Variants in MDGA2 observed in about 807,000 individuals in gnomAD.
MDGA2 encodes MAM domain-containing glycosylphosphatidylinositol anchor protein 2.
In MDGA2, 40 loss-of-function variants were observed where a neutral mutation model predicts 117.8. The ratio of observed to expected loss-of-function variants is 0.34; its 90% CI spans 0.26 to 0.44. The LOEUF (loss-of-function observed/expected upper bound fraction) is 0.44, where lower values mean the gene tolerates loss of function less well. MDGA2 is among the 20% of genes least tolerant of loss of function. The pLI, the probability that MDGA2 is intolerant of heterozygous loss-of-function variation, is 1.00. For synonymous variants in MDGA2, 452 were observed against 439.0 expected (o/e 1.03, Z -0.37); for missense variants, 1,123 against 1,250.6 (o/e 0.90, Z 1.54).
At chr14:47,127,272 T>C (rs1881952996) in intron 5 of MDGA2, among the ~76,000 whole-genome samples, 1 of 152,130 alleles carries the variant, frequency 6.6e-6, no homozygotes. Flanking sequence ...CAATGGTAAC[T>C]TATGTTCCTC....
chr14:47,472,368 A>G (rs1893745926), intron 1 of MDGA2, among the ~76,000 whole-genome samples: 1 of 152,322 alleles, frequency 6.6e-6, no homozygotes, highest in South Asian at 2.1e-4. Context: ...GGCATAGCCT[A>G]TCACGTCTAG....
chr14:47,178,734 T>G (rs990855866), intron 3 of MDGA2, among the ~76,000 whole-genome samples: 1 of 152,138 alleles, frequency 6.6e-6, no homozygotes, highest in Admixed American at 6.6e-5. Context: ...AATTATGTTA[T>G]AGAAATGTGA....
chr14:47,523,883 G>A lies in MDGA2; in HGVS notation c.280+150634C>T, dbSNP rs1054935680. Among the ~76,000 whole-genome samples the A allele has an allele frequency of 2.6e-5, 4 of 152,174 alleles. No individual in the cohort carries two copies. The East Asian group carries it at 7.7e-4, about 29-fold the overall frequency. ...CCTTCAGCAGCTTGCAAGTTGAAAG[G>A]TGTATCAAATGGGAACACAGCGTCA... is the stretch of plus-strand genomic sequence containing the variant. On this transcript the variant is annotated intron_variant, in intron 1 of 16. Coordinates refer to ENST00000399232, the MANE Select transcript of MDGA2 (RefSeq NM_001113498.3).
At chr14:47,565,018 AT>A (rs1282425534) in intron 1 of MDGA2, among the ~76,000 whole-genome samples, 1 of 150,740 alleles carries the variant, frequency 6.6e-6, no homozygotes, top group East Asian at 2.0e-4. Flanking sequence ...GTATAGTTTT[AT>A]TGTATTCTGT....
intron 3 of MDGA2, among the ~76,000 whole-genome samples, chr14:47,166,029 T>A (rs1334926002): frequency 1.4e-5 from 2 of 143,510 alleles, no homozygotes; most frequent in Non-Finnish European, 3.0e-5. Context: ...AGCAGCACTG[T>A]TTACTTTTTT....
intron 8 of MDGA2, among the ~76,000 whole-genome samples, chr14:46,981,171 A>AGTG (rs71448149): frequency 4.0e-5 from 6 of 150,902 alleles, no homozygotes; most frequent in Admixed American, 1.3e-4. Context: ...TGGGAGGCCA[A>AGTG]GGGGGGGGCG....
At chr14:47,460,417 TTACAAC>T (rs1893457892) in intron 1 of MDGA2, among the ~76,000 whole-genome samples, 2 of 152,152 alleles carry the variant, frequency 1.3e-5, no homozygotes, top group Non-Finnish European at 2.9e-5. Flanking sequence ...AAGCACTGTA[TTACAAC>T]ATTTACAATT....
chr14:47,452,456 A>G (rs1447464016), intron 1 of MDGA2, among the ~76,000 whole-genome samples: 3 of 152,090 alleles, frequency 2.0e-5, no homozygotes, highest in South Asian at 4.2e-4. Context: ...TTCTCTCTTA[A>G]ATGGTGGATA....
At chr14:47,253,586 G>A (rs1887517851) in intron 2 of MDGA2, among the ~76,000 whole-genome samples, 1 of 152,236 alleles carries the variant, frequency 6.6e-6, no homozygotes, top group Non-Finnish European at 1.5e-5. Context: ...CAGCCCTTGT[G>A]GCTTTGCAGG....
In MDGA2 at chr14:47,039,913, TCA is replaced by T. The variant is rs150173178; in HGVS notation, c.1526-4611_1526-4610del. Among the ~76,000 whole-genome samples the T allele has an allele frequency of 3.3e-5, 5 of 151,258 alleles. No homozygotes were observed. In the East Asian group the frequency reaches 5.8e-4, roughly 18 times the overall value. ...ACATATTAGCTCTCTTGGCTCTCTC[TCA>T]CACACACACACACAAGTAACTATGC... On this transcript the variant is annotated intron_variant, in intron 7 of 16. Coordinates refer to ENST00000399232, the MANE Select transcript of MDGA2 (RefSeq NM_001113498.3).
intron 1 of MDGA2, among the ~76,000 whole-genome samples, chr14:47,566,494 C>G (rs1002520624): frequency 2.6e-5 from 4 of 152,180 alleles, no homozygotes; most frequent in Non-Finnish European, 5.9e-5. Flanking sequence ...CCTGGATGTG[C>G]TCCCTGGCAC....
At chr14:46,991,547 A>T (rs1473848735) in intron 8 of MDGA2, among the ~76,000 whole-genome samples, 1 of 152,130 alleles carries the variant, frequency 6.6e-6, no homozygotes, top group Non-Finnish European at 1.5e-5. Flanking sequence ...TGGAAATTTT[A>T]TATCTACTAA....
intron 1 of MDGA2, among the ~76,000 whole-genome samples, chr14:47,380,304 A>G (rs1891584725): frequency 6.6e-6 from 1 of 152,192 alleles, no homozygotes; most frequent in African/African-American, 2.4e-5. Context: ...CATCACAATT[A>G]AAAGAACTAC....
At chr14:47,399,349 T>C (rs935338791) in intron 1 of MDGA2, among the ~76,000 whole-genome samples, 3 of 152,122 alleles carry the variant, frequency 2.0e-5, no homozygotes, top group African/African-American at 7.2e-5. Flanking sequence ...CCACAGAAAT[T>C]GCAAAATGGG....
chr14:47,105,108 C>G (rs994624095), intron 5 of MDGA2, among the ~76,000 whole-genome samples: 14 of 21,444 alleles, frequency 6.5e-4, no homozygotes, highest in South Asian at 1.0e-3. Flanking sequence ...CACGCAGGGA[C>G]GCCGCCTTGG....
At chr14:47,246,982 T>C (rs1887261788) in intron 2 of MDGA2, among the ~76,000 whole-genome samples, 1 of 151,842 alleles carries the variant, frequency 6.6e-6, no homozygotes. Context: ...TGCTATATTG[T>C]GCGATCCTCA....
In MDGA2 at chr14:46,973,577, T is replaced by TA. The variant is rs948790844; in HGVS notation, c.1820-15935dup. 2.0e-4 allele frequency among the ~76,000 whole-genome samples: 30 copies of TA among 151,770 alleles called. No individual in the cohort carries two copies. In the East Asian group the frequency reaches 2.3e-3, roughly 12 times the overall value. ...TGACAGGACCCAGCCTGCTTTGAAATAAAAAAAATGAATGGAGATTTAGAA... is the reference window on the plus strand; with the variant it reads ...TGACAGGACCCAGCCTGCTTTGAAATAAAAAAAAATGAATGGAGATTTAGAA... On this transcript the variant is annotated intron_variant, in intron 8 of 16. Coordinates refer to ENST00000399232, the MANE Select transcript of MDGA2 (RefSeq NM_001113498.3).
chr14:47,191,283 T>C (rs1443137645), intron 3 of MDGA2, among the ~76,000 whole-genome samples: 1 of 151,642 alleles, frequency 6.6e-6, no homozygotes, highest in Non-Finnish European at 1.5e-5. Flanking sequence ...TCTTCTTTTA[T>C]ATATCTATAT....
At chr14:47,358,282 T>G (rs1891039234) in intron 1 of MDGA2, among the ~76,000 whole-genome samples, 1 of 152,190 alleles carries the variant, frequency 6.6e-6, no homozygotes, top group African/African-American at 2.4e-5. Flanking sequence ...ATAAAAGCCC[T>G]GTTTTCATCT....
Sources: gnomAD v4.1 joint callset for allele counts (sites outside exome capture counted in the v4.1 genomes callset) on GRCh38, gnomAD v4.1.1 for gene constraint, MANE v1.5 for transcripts, NCBI Gene and HGNC (gene_info 2026-07-23, HGNC 2026-07-21) for gene names.